KCNK10: variants seen among roughly 807,000 people sequenced by gnomAD.
KCNK10 encodes potassium two pore domain channel subfamily K member 10.
A neutral mutation model predicts 47.7 loss-of-function variants in KCNK10; 25 were observed. The observed-to-expected ratio is 0.52, with a 90% confidence interval of 0.38 to 0.73. The LOEUF (loss-of-function observed/expected upper bound fraction) is 0.73, where lower values mean the gene tolerates loss of function less well. KCNK10 is among the 30% of genes least tolerant of loss of function. The pLI is 0.00. For synonymous variants in KCNK10, 303 were observed against 285.6 expected (o/e 1.06, Z -0.61); for missense variants, 563 against 714.5 (o/e 0.79, Z 2.42).
chr14:88,274,569 TC>T (rs1887487176), intron 1 of KCNK10, among the ~76,000 whole-genome samples: 1 of 21,682 alleles, frequency 4.6e-5, no homozygotes, highest in Non-Finnish European at 1.4e-4. Context: ...AAAAAAAAGA[TC>T]TTATGGCTTA....
chr14:88,215,585 T>C (rs1383986222), intron 4 of KCNK10, among the ~76,000 whole-genome samples: 1 of 152,172 alleles, frequency 6.6e-6, no homozygotes, highest in Non-Finnish European at 1.5e-5. Context: ...AGTGCCATAA[T>C]ACTCAGTATT....
At chr14:88,298,407 C>G (rs1182609545) in intron 1 of KCNK10, among the ~76,000 whole-genome samples, 2 of 152,182 alleles carry the variant, frequency 1.3e-5, no homozygotes, top group African/African-American at 4.8e-5. Flanking sequence ...GCCTTCCCCT[C>G]CTCATCCATC....
At chr14:88,220,947 CA>C (rs1885789272) in intron 4 of KCNK10, among the ~76,000 whole-genome samples, 1 of 151,346 alleles carries the variant, frequency 6.6e-6, no homozygotes, top group African/African-American at 2.4e-5. Flanking sequence ...AAAATATTTG[CA>C]AAGGATATAC....
chr14:88,308,031 C>T lies in KCNK10; in HGVS notation c.52+14716G>A, dbSNP rs574721705. 5.3e-5 allele frequency among the ~76,000 whole-genome samples: 8 copies of T among 152,192 alleles called. No homozygotes were observed. The East Asian group carries it at 1.2e-3, about 22-fold the overall frequency. ...AGAGAGGTAAGTTAGTGCCTAAGTTCGGCAGCTTGGGAGTGGCAGAGCTGG... is the reference window on the plus strand; with the variant it reads ...AGAGAGGTAAGTTAGTGCCTAAGTTTGGCAGCTTGGGAGTGGCAGAGCTGG... On this transcript the variant is annotated intron_variant, in intron 1 of 6. Coordinates refer to ENST00000319231, the MANE Select transcript of KCNK10 (RefSeq NM_138317.3).
Position 88,322,707 on chromosome 14 carries a change from A to T in KCNK10, c.52+40T>A. On this transcript the variant is annotated intron_variant, in intron 1 of 6. Transcript: ENST00000319231. This position sits in a 1 kb window ranked among gnomAD's most constrained non-coding sequence, Gnocchi z 4.8. ...AAGGAAGCGCGCACACGCCGGAGAC[A>T]GAGGCAGGGCGAGGGCAGCCAAAAG... 1 of 1,613,306 alleles carries T rather than the reference A, an allele frequency of 6.2e-7. No homozygotes were observed. Among genetic ancestry groups the T allele is most frequent in the Non-Finnish European group, 8.5e-7 (1 of 1,179,302 alleles).
At chr14:88,312,367 C>T (rs1888343912) in intron 1 of KCNK10, among the ~76,000 whole-genome samples, 1 of 152,232 alleles carries the variant, frequency 6.6e-6, no homozygotes, top group Non-Finnish European at 1.5e-5. Flanking sequence ...GGTCCTCCCT[C>T]CATCAGCAGC....
chr14:88,243,328 A>G (rs180828784), intron 2 of KCNK10, among the ~76,000 whole-genome samples: 1 of 152,292 alleles, frequency 6.6e-6, no homozygotes, highest in Non-Finnish European at 1.5e-5. Flanking sequence ...CCCCCACCTT[A>G]GAGATGGGGA....
chr14:88,297,997 G>A (rs1219265049), intron 1 of KCNK10, among the ~76,000 whole-genome samples: 3 of 152,136 alleles, frequency 2.0e-5, no homozygotes, highest in East Asian at 1.9e-4. Context: ...GGTATGCCCA[G>A]GAGAGTCATT....
chr14:88,326,637 G>C, upstream of KCNK10: 3 of 592,748 alleles, frequency 5.1e-6, no homozygotes, highest in Non-Finnish European at 8.9e-6. Flanking sequence ...GGAGACCCGG[G>C]CTGGCGGCCA....
intron 2 of KCNK10, among the ~76,000 whole-genome samples, chr14:88,251,404 G>T (rs1051702495): frequency 1.3e-5 from 2 of 152,040 alleles, no homozygotes; most frequent in African/African-American, 4.8e-5. Context: ...ACAGAGAAAA[G>T]TAAAGGTCAT....
At chr14:88,246,773 T>C (rs1886654933) in intron 2 of KCNK10, among the ~76,000 whole-genome samples, 1 of 152,206 alleles carries the variant, frequency 6.6e-6, no homozygotes, top group South Asian at 2.1e-4. Flanking sequence ...CCATTCAGCC[T>C]TGCAAGCTGT....
intron 2 of KCNK10, among the ~76,000 whole-genome samples, 162 bp downstream of exon 2, chr14:88,263,040 C>T (rs1001348692): frequency 2.6e-5 from 4 of 152,106 alleles, no homozygotes; most frequent in Non-Finnish European, 5.9e-5. Context: ...GCCTCACTAT[C>T]GCTTCTTGGA....
chr14:88,300,362 T>G (rs1435920713), intron 1 of KCNK10, among the ~76,000 whole-genome samples: 2 of 152,244 alleles, frequency 1.3e-5, no homozygotes, highest in African/African-American at 4.8e-5. Flanking sequence ...GACTTTGCAT[T>G]TATTCACATG....
intron 2 of KCNK10, among the ~76,000 whole-genome samples, chr14:88,256,528 C>A (rs968649712): frequency 2.6e-5 from 4 of 152,032 alleles, no homozygotes; most frequent in Non-Finnish European, 5.9e-5. Flanking sequence ...CCACAGTAAA[C>A]CCTCTCAATG....
rs1486238598 is a variant in KCNK10 at position 88,322,267 on chromosome 14, G to A, written c.52+480C>T. Among the ~76,000 whole-genome samples the A allele has an allele frequency of 5.3e-5, 8 of 152,130 alleles. No individual in the cohort carries two copies. The highest frequency in any genetic ancestry group is 1.5e-5 in the Non-Finnish European group (1 of 68,026). ...CCCTGCGAGAACGGCCCACCCCTAG[G>A]GACGGCTGCTGCAACTCGAGCCCCA... On this transcript the variant is annotated intron_variant, in intron 1 of 6. Coordinates refer to ENST00000319231, the MANE Select transcript of KCNK10 (RefSeq NM_138317.3). The surrounding 1 kb of genome is among the most constrained non-coding windows in gnomAD (Gnocchi z 4.8).
intron 1 of KCNK10, among the ~76,000 whole-genome samples, chr14:88,284,977 G>A (rs1049515190): frequency 2.0e-5 from 3 of 152,178 alleles, no homozygotes; most frequent in African/African-American, 7.2e-5. Flanking sequence ...AATGTCTCTA[G>A]TAAGCACTTA....
intron 1 of KCNK10, among the ~76,000 whole-genome samples, chr14:88,321,867 TAA>T (rs1310026339): frequency 6.6e-6 from 1 of 152,216 alleles, no homozygotes; most frequent in African/African-American, 2.4e-5. Context: ...CAAGAAATGC[TAA>T]AGAGCATTCT....
chr14:88,295,553 G>A (rs1008955008), intron 1 of KCNK10, among the ~76,000 whole-genome samples: 18 of 152,052 alleles, frequency 1.2e-4, no homozygotes, highest in Non-Finnish European at 2.5e-4. Context: ...CCAGCTACTC[G>A]GGAGGCTGAG....
chr14:88,259,407 T>C (rs77555961), intron 2 of KCNK10, among the ~76,000 whole-genome samples: 2,108 of 152,304 alleles, frequency 0.014, 29 homozygotes, highest in East Asian at 0.043. Context: ...TGATGCTCAA[T>C]GTGCATAGGG....
Sources: allele counts gnomAD v4.1 joint callset (sites outside exome capture counted in the v4.1 genomes callset), GRCh38; gene constraint gnomAD v4.1.1; non-coding constraint Gnocchi (gnomAD v3.1); transcripts MANE v1.5; gene names NCBI Gene and HGNC (gene_info 2026-07-23, HGNC 2026-07-21).